Variants in CLEC19A observed in about 807,000 individuals in gnomAD.
CLEC19A encodes the protein C-type lectin domain family 19 member A.
A neutral mutation model predicts 26.1 loss-of-function variants in CLEC19A; 21 were observed. The observed-to-expected ratio is 0.80, with a 90% CI of 0.57 to 1.16. CLEC19A has a LOEUF of 1.16. CLEC19A is among the 50% of genes most tolerant of loss of function. CLEC19A has a pLI of 0.00. For missense variants in CLEC19A, 224 were observed against 227.6 expected, an observed-to-expected ratio of 0.98 and a Z score of 0.10; for synonymous variants, 89 against 88.6, an observed-to-expected ratio of 1.00 and a Z score of -0.03.
In CLEC19A at chr16:19,309,030, T is replaced by C. The variant is rs1476422808; in HGVS notation, c.508T>C (p.Cys170Arg). 6.5e-7 allele frequency: 1 copy of C among 1,548,362 alleles called. No individual in the cohort carries two copies. Among genetic ancestry groups the C allele is most frequent in the South Asian group, 1.2e-5 (1 of 83,968 alleles). Residue 170 changes from cysteine (C) to arginine (R), a missense_variant, in exon 5 of 5, where the codon TGC becomes CGC. By Grantham distance (180) the Cys-to-Arg change is radical (BLOSUM62 -3). Transcript: ENST00000636231. The part of the protein sequence containing the change: ...SALRSWNDNT[C>R]SRKFPFVCKI... ...TCTGAGGTCATGGAATGATAACACC[T>C]GCAGCCGGAAGTTCCCCTTTGTCTG...
rs1567258020 is a variant in CLEC19A at position 19,308,949 on chromosome 16, C to G, written c.482-55C>G. ...TTACTTCAGAGGAGTGGTGGGGTTACTTTTATCTTGGCGGATGGATTTTCA... is the reference window on the plus strand; with the variant it reads ...TTACTTCAGAGGAGTGGTGGGGTTAGTTTTATCTTGGCGGATGGATTTTCA... On this transcript the variant is annotated intron_variant, in intron 4 of 4. Transcript: ENST00000636231. 1.3e-5 allele frequency: 19 copies of G among 1,458,950 alleles called. No homozygotes were observed. In the East Asian group the frequency reaches 4.7e-4, roughly 36 times the overall value. 90.4% of individuals were successfully genotyped at this position (1,458,950 alleles called of 1,614,324 possible).
At chr16:19,292,990 G>C (rs959514881) in intron 1 of CLEC19A, among the ~76,000 whole-genome samples, 12 of 152,046 alleles carry the variant, frequency 7.9e-5, no homozygotes, top group Non-Finnish European at 1.5e-4. Flanking sequence ...AGGAAGAACA[G>C]CTAAAAGGTG....
chr16:19,306,593 C>A (rs948373579), intron 3 of CLEC19A, among the ~76,000 whole-genome samples: 7 of 151,898 alleles, frequency 4.6e-5, no homozygotes, highest in African/African-American at 1.7e-4. Flanking sequence ...TATTGAAAGA[C>A]CTAATAATAA....
intron 1 of CLEC19A, among the ~76,000 whole-genome samples, chr16:19,289,492 G>A (rs555641310): frequency 1.2e-3 from 178 of 152,304 alleles, no homozygotes; most frequent in African/African-American, 3.7e-3. Context: ...AGGAGTTTCT[G>A]AATCTGTCAG....
intron 1 of CLEC19A, among the ~76,000 whole-genome samples, chr16:19,295,937 A>G (rs1897697589): frequency 6.6e-6 from 1 of 152,152 alleles, no homozygotes; most frequent in Non-Finnish European, 1.5e-5. Flanking sequence ...ACGCATCAAG[A>G]TGATGTCCTC....
intron 3 of CLEC19A, among the ~76,000 whole-genome samples, chr16:19,306,788 C>G (rs2143011301): frequency 6.6e-6 from 1 of 152,174 alleles, no homozygotes; most frequent in Non-Finnish European, 1.5e-5. Flanking sequence ...AGTAACTTGC[C>G]CAGGTTGCAG....
chr16:19,303,959 T>A, intron 2 of CLEC19A, 103 bp from the exon 3 acceptor site: 1 of 912,194 alleles, frequency 1.1e-6, no homozygotes. Context: ...ATCCTCTATT[T>A]ACTTTGGTCC....
chr16:19,298,289 G>A (rs111889729), intron 1 of CLEC19A, among the ~76,000 whole-genome samples: 5,017 of 149,562 alleles, frequency 0.034, 296 homozygotes, highest in African/African-American at 0.12. Flanking sequence ...GGTGGCTCAC[G>A]CCTGCAATCC....
In CLEC19A at chr16:19,285,901, C is replaced by T. The variant is rs1395401088; in HGVS notation, c.50C>T (p.Ala17Val). 1.9e-6 allele frequency: 3 copies of T among 1,550,604 alleles called. No homozygotes were observed. Among genetic ancestry groups the T allele is most frequent in the South Asian group, 1.2e-5 (1 of 84,050 alleles). ...WAAAFLTLHS[A>V]QAFPQTDISI... ...GCAGCCTTCCTGACCCTCCACTCTG[C>T]ACAGGCCTTTCCACAAACAGACATC... is the stretch of plus-strand genomic sequence containing the variant. The change falls in exon 1 of 5, where the codon GCA becomes GTA. Residue 17 changes from alanine to valine, a missense_variant. Transcript: ENST00000636231.
At chr16:19,303,464 C>A (rs1897877528) in intron 2 of CLEC19A, among the ~76,000 whole-genome samples, 2 of 152,170 alleles carry the variant, frequency 1.3e-5, no homozygotes, top group African/African-American at 4.8e-5. Flanking sequence ...ATTTGATAAG[C>A]TCTTTGAAAT....
intron 1 of CLEC19A, among the ~76,000 whole-genome samples, chr16:19,287,626 A>C (rs1011273967): frequency 1.3e-4 from 20 of 152,178 alleles, no homozygotes; most frequent in African/African-American, 4.6e-4. Flanking sequence ...TCTGCCCAGC[A>C]AAAGTGGGAA....
At chr16:19,286,878 T>C (rs1326211798) in intron 1 of CLEC19A, among the ~76,000 whole-genome samples, 2 of 152,168 alleles carry the variant, frequency 1.3e-5, no homozygotes, top group Admixed American at 1.3e-4. Flanking sequence ...AGAGGGTTGA[T>C]AGGGTTGTCA....
At chr16:19,298,567 T>A (rs1897752538) in intron 1 of CLEC19A, 106 bp from the exon 2 acceptor site, 1 of 1,222,572 alleles carries the variant, frequency 8.2e-7, no homozygotes, top group Admixed American at 2.6e-5. Flanking sequence ...CCCTGTCTCT[T>A]AAAAAAAATT....
At chr16:19,296,273 C>T (rs1897703995) in intron 1 of CLEC19A, among the ~76,000 whole-genome samples, 1 of 152,216 alleles carries the variant, frequency 6.6e-6, no homozygotes, top group African/African-American at 2.4e-5. Context: ...CTGGAAACTG[C>T]CTGCCTAGCA....
intron 1 of CLEC19A, among the ~76,000 whole-genome samples, chr16:19,293,272 G>GTT (rs1048255185): frequency 6.6e-5 from 10 of 152,258 alleles, no homozygotes; most frequent in Admixed American, 1.3e-4. Context: ...TAGAGTCAAT[G>GTT]TAACAGACAT....
At chr16:19,298,988 CT>C (rs1440916146) in intron 2 of CLEC19A, 150 bp downstream of exon 2, 1 of 857,350 alleles carries the variant, frequency 1.2e-6, no homozygotes, top group Non-Finnish European at 1.7e-6. Context: ...GCCCAGGCCA[CT>C]CTTGAACTCC....
intron 1 of CLEC19A, among the ~76,000 whole-genome samples, chr16:19,296,362 C>T (rs973300828): frequency 1.3e-5 from 2 of 150,642 alleles, no homozygotes; most frequent in Non-Finnish European, 2.9e-5. Context: ...TTTTATTTTA[C>T]ATTTGATTTT....
At chr16:19,294,247 C>A (rs1053945756) in intron 1 of CLEC19A, among the ~76,000 whole-genome samples, 1 of 152,190 alleles carries the variant, frequency 6.6e-6, no homozygotes, top group South Asian at 2.1e-4. Context: ...CCACTACCGC[C>A]GTGCAGAAAG....
At chr16:19,291,596 T>C (rs946338519) in intron 1 of CLEC19A, among the ~76,000 whole-genome samples, 1 of 152,234 alleles carries the variant, frequency 6.6e-6, no homozygotes, top group African/African-American at 2.4e-5. Flanking sequence ...ATTGTTGTGT[T>C]GCCATGGTTA....
Sources: allele counts gnomAD v4.1 joint callset (sites outside exome capture counted in the v4.1 genomes callset), GRCh38; gene constraint gnomAD v4.1.1; transcripts MANE v1.5; gene names NCBI Gene and HGNC (gene_info 2026-07-23, HGNC 2026-07-21).